The following CCDC27 variants were observed in gnomAD, a reference collection of about 807,000 sequenced individuals.
The protein encoded by CCDC27 is coiled-coil domain containing 27, also known as coiled-coil domain-containing protein 27.
A neutral mutation model predicts 80.3 loss-of-function variants in CCDC27; 80 were observed. That is an observed-to-expected ratio of 1.00 (90% CI 0.83 to 1.20). The LOEUF (loss-of-function observed/expected upper bound fraction) is 1.20. Ranked by LOEUF, CCDC27 falls within the 50% of genes most tolerant of loss-of-function variation. The pLI is 0.00. For synonymous variants in CCDC27, 342 were observed against 334.3 expected, an observed-to-expected ratio of 1.02 and a Z score of -0.25; for missense variants, 815 against 809.4, an observed-to-expected ratio of 1.01 and a Z score of -0.08.
At position 3,766,634 on chromosome 1, in the gene CCDC27, A is replaced by C. The variant is rs1442343513; in HGVS notation, c.1530+22A>C. 1.3e-6 allele frequency: 2 copies of C among 1,594,128 alleles called. No homozygotes were observed. Among genetic ancestry groups the C allele is most frequent in the Admixed American group, 1.7e-5 (1 of 59,760 alleles). ...ACAGGTGACAGCCTGGGTGTCGTTA[A>C]ATGATCAGCCAGGCCACTGTTCTTA... On this transcript the variant is annotated intron_variant, in intron 9 of 11. Coordinates refer to ENST00000294600, the MANE Select transcript of CCDC27 (RefSeq NM_152492.3). This position sits in a 1 kb window ranked among gnomAD's most constrained non-coding sequence, Gnocchi z 6.1.
chr1:3,761,707 G>T lies in CCDC27; in HGVS notation c.861+277G>T, dbSNP rs927993535. ...AAATGACAAATGAGAGCCGTGAGCCGATGTCTAGGCACCTGCACCTGGCTT... is the reference window on the plus strand; with the variant it reads ...AAATGACAAATGAGAGCCGTGAGCCTATGTCTAGGCACCTGCACCTGGCTT... On this transcript the variant is annotated intron_variant, in intron 5 of 11. Coordinates refer to ENST00000294600, the MANE Select transcript of CCDC27 (RefSeq NM_152492.3). The surrounding 1 kb of genome is among the most constrained non-coding windows in gnomAD (Gnocchi z 5.0). Among the ~76,000 whole-genome samples the T allele has an allele frequency of 1.3e-5, 2 of 152,160 alleles. No individual in the cohort carries two copies. Among genetic ancestry groups the T allele is most frequent in the African/African-American group, 4.8e-5 (2 of 41,436 alleles).
In CCDC27 at chr1:3,755,622, C is replaced by T. The variant is rs1376718001; in HGVS notation, c.553+55C>T. ...ACCTGCTGGGCCCCTGAGCTCGAGG[C>T]CTGCTTCTTGCAGGGTCGCTGCTTG... On this transcript the variant is annotated intron_variant, in intron 3 of 11. Transcript: ENST00000294600. 6.3e-6 allele frequency: 9 copies of T among 1,433,924 alleles called. No individual in the cohort carries two copies. In the East Asian group the frequency reaches 1.6e-4, roughly 25 times the overall value. The allele number at this position is 1,433,924 out of a possible 1,614,324, so 88.8% of individuals were successfully genotyped here.
At chr1:3,755,226 C>T (rs1469619299) in intron 2 of CCDC27, among the ~76,000 whole-genome samples, 2 of 152,168 alleles carry the variant, frequency 1.3e-5, no homozygotes, top group African/African-American at 4.8e-5. Flanking sequence ...GGAAAGGGGG[C>T]ATCAGCTAGA....
intron 2 of CCDC27, among the ~76,000 whole-genome samples, chr1:3,754,565 C>T (rs562669695): frequency 2.0e-5 from 3 of 152,244 alleles, no homozygotes; most frequent in South Asian, 4.1e-4. Context: ...CTGGAAGCTT[C>T]AGGAAAGAAC....
rs190435277 is a variant in CCDC27 at position 3,768,437 on chromosome 1, G to T, written c.1743+992G>T. On this transcript the variant is annotated intron_variant, in intron 10 of 11. Coordinates refer to ENST00000294600, the MANE Select transcript of CCDC27 (RefSeq NM_152492.3). This position sits in a 1 kb window ranked among gnomAD's most constrained non-coding sequence, Gnocchi z 5.6. ...AATCCAAAATTAAGCAAAGGTCAAG[G>T]TCATGTATGGAGGCTTTTGAAGTCA... is the stretch of plus-strand genomic sequence containing the variant. Among the ~76,000 whole-genome samples, 74 of 152,282 alleles carry T rather than the reference G, an allele frequency of 4.9e-4. 1 individual carries two copies. Among genetic ancestry groups the T allele is most frequent in the Non-Finnish European group, 2.9e-5 (2 of 68,030 alleles).
intron 4 of CCDC27, among the ~76,000 whole-genome samples, chr1:3,757,393 C>A (rs1642983608): frequency 6.6e-6 from 1 of 151,862 alleles, no homozygotes; most frequent in African/African-American, 2.4e-5. Flanking sequence ...AAAACAGTTC[C>A]TTTTTTCTTT....
At chr1:3,771,258 A>G (rs1193388218) in intron 11 of CCDC27, 143 bp from the exon 12 acceptor site, 1 of 977,908 alleles carries the variant, frequency 1.0e-6, no homozygotes, top group Non-Finnish European at 1.5e-6. Flanking sequence ...AGTATTCACC[A>G]GCACACCCCT....
At chr1:3,757,936 AAAG>A (rs1292495884) in intron 4 of CCDC27, among the ~76,000 whole-genome samples, 16 of 146,700 alleles carry the variant, frequency 1.1e-4, no homozygotes, top group African/African-American at 4.3e-4. Flanking sequence ...AAAAAAAAAA[AAAG>A]AAATGGGGTT....
Position 3,763,935 on chromosome 1 carries a change from C to T in CCDC27, c.1452+99C>T. 1 of 1,489,180 alleles carries T rather than the reference C, an allele frequency of 6.7e-7. No individual in the cohort carries two copies. The highest frequency in any genetic ancestry group is 1.3e-5 in the South Asian group (1 of 75,880). 92.2% of individuals were successfully genotyped at this position (1,489,180 alleles called of 1,614,324 possible). A position where few individuals can be genotyped will look rare whatever the true frequency, so the allele number is the denominator to read the frequency against. On this transcript the variant is annotated intron_variant, in intron 8 of 11. Transcript: ENST00000294600. This position sits in a 1 kb window ranked among gnomAD's most constrained non-coding sequence, Gnocchi z 7.5. ...GGGCAGGCGCTGCCCGTCCCATCTA[C>T]TGATGGAGACTTTGAGCCTGGGGTG...
rs775781048 is a variant in CCDC27 at position 3,752,648 on chromosome 1, ACAGTTCGATGTC to A, written c.171_182del (p.Ser60_Met63del). ...AAGGAGGCCAGCCCATCTCAGAGGC[ACAGTTCGATGTC>A]CAGCTCGATGGCCAGGGCCCTGGTG... is the stretch of plus-strand genomic sequence containing the variant. On this transcript the variant is annotated inframe_deletion, in exon 1 of 12. Coordinates refer to ENST00000294600, the MANE Select transcript of CCDC27 (RefSeq NM_152492.3). The A allele has an allele frequency of 6.2e-6, 10 of 1,613,992 alleles. No homozygotes were observed. Among genetic ancestry groups the A allele is most frequent in the Non-Finnish European group, 8.5e-6 (10 of 1,180,020 alleles).
At chr1:3,767,535 G>A (rs376311776) in intron 10 of CCDC27, 90 bp downstream of exon 10, 10 of 1,199,366 alleles carry the variant, frequency 8.3e-6, no homozygotes, top group East Asian at 2.5e-5. Flanking sequence ...AGGTAGAACC[G>A]GGGTCTGTGT....
In CCDC27 at chr1:3,761,580, G is replaced by A. The variant is rs941166483; in HGVS notation, c.861+150G>A. 2 of 915,972 alleles carry A rather than the reference G, an allele frequency of 2.2e-6. No homozygotes were observed. Among genetic ancestry groups the A allele is most frequent in the East Asian group, 2.7e-5 (1 of 36,500 alleles). The allele number at this position is 915,972 out of a possible 1,614,324, so 56.7% of individuals were successfully genotyped here. A position where few individuals can be genotyped will look rare whatever the true frequency, so the allele number is the denominator to read the frequency against. The stretch of plus-strand genomic sequence containing the variant: ...CACTGGAACGTGGACCGGTTCTCAG[G>A]GTTCTGATCAACAGGCAGGGGAGAG... On this transcript the variant is annotated intron_variant, in intron 5 of 11. Transcript: ENST00000294600. The surrounding 1 kb of genome is among the most constrained non-coding windows in gnomAD (Gnocchi z 5.0).
Position 3,763,167 on chromosome 1 carries a change from G to C in CCDC27, c.1014G>C (p.Glu338Asp). 1 of 1,495,144 alleles carries C rather than the reference G, an allele frequency of 6.7e-7. No homozygotes were observed. The highest frequency in any genetic ancestry group is 1.4e-5 in the South Asian group (1 of 73,096). The allele number at this position is 1,495,144 out of a possible 1,614,324, so 92.6% of individuals were successfully genotyped here. The change falls in exon 7 of 12, where the codon GAG becomes GAC. Residue 338 changes from glutamate to aspartate, a missense_variant. Physicochemically the swap from Glu to Asp is conservative, Grantham distance 45 (BLOSUM62 2). Transcript: ENST00000294600. This position sits in a 1 kb window ranked among gnomAD's most constrained non-coding sequence, Gnocchi z 7.5. ...AGGAGCCCGACCTGGGAGGTGGCGAGGAGGACGAGGGCCTGGAAGGGGAGC... is the reference window on the plus strand; with the variant it reads ...AGGAGCCCGACCTGGGAGGTGGCGACGAGGACGAGGGCCTGGAAGGGGAGC... ...RGKEPDLGGG[E>D]EDEGLEGEPD...
intron 2 of CCDC27, 150 bp downstream of exon 2, chr1:3,754,391 C>A: frequency 1.9e-6 from 2 of 1,058,880 alleles, no homozygotes; most frequent in Non-Finnish European, 2.6e-6. Flanking sequence ...CCGCTCTGTG[C>A]TCAGGGAGCC....
chr1:3,765,600 C>CT (rs1182364038), intron 8 of CCDC27, among the ~76,000 whole-genome samples: 1 of 152,026 alleles, frequency 6.6e-6, no homozygotes, highest in Non-Finnish European at 1.5e-5. Context: ...TTCCATTTTT[C>CT]TTTTTTTGAA....
At chr1:3,770,055 G>C (rs1643323624) in intron 11 of CCDC27, among the ~76,000 whole-genome samples, 168 bp downstream of exon 11, 1 of 152,136 alleles carries the variant, frequency 6.6e-6, no homozygotes, top group African/African-American at 2.4e-5. Flanking sequence ...CAGGCAGAGG[G>C]GATCAAATCA....
chr1:3,762,828 G>C (rs376119454), intron 6 of CCDC27, 116 bp downstream of exon 6: 7 of 1,035,326 alleles, frequency 6.8e-6, no homozygotes, highest in East Asian at 2.6e-5. Flanking sequence ...CTGACCTGGG[G>C]TGCCCCACTC....
chr1:3,762,821 ACCTGG>A, intron 6 of CCDC27, 109 bp downstream of exon 6: 3 of 1,097,666 alleles, frequency 2.7e-6, no homozygotes, highest in Non-Finnish European at 3.9e-6. Context: ...TGCAGCCCTG[ACCTGG>A]GGTGCCCCAC....
chr1:3,758,327 T>C (rs1643010446), intron 4 of CCDC27, among the ~76,000 whole-genome samples: 1 of 151,616 alleles, frequency 6.6e-6, no homozygotes, highest in South Asian at 2.1e-4. Flanking sequence ...TAGCTGGGAT[T>C]ACAGGCACGC....
Sources: gnomAD v4.1 joint callset for allele counts (sites outside exome capture counted in the v4.1 genomes callset) on GRCh38, gnomAD v4.1.1 for gene constraint, Gnocchi (gnomAD v3.1) non-coding constraint, MANE v1.5 for transcripts, NCBI Gene and HGNC (gene_info 2026-07-23, HGNC 2026-07-21) for gene names.